ZFHX3: variants seen among roughly 807,000 people sequenced by gnomAD.
ZFHX3 encodes zinc finger homeobox protein 3.
Under a neutral mutation model 279.1 loss-of-function variants are expected in ZFHX3, and 42 were observed. The ratio of observed to expected loss-of-function variants is 0.15; its 90% CI spans 0.12 to 0.19. The LOEUF (loss-of-function observed/expected upper bound fraction) is 0.19. ZFHX3 is among the 10% of genes least tolerant of loss of function. ZFHX3 has a pLI of 1.00. For missense variants in ZFHX3, 4,981 were observed against 4,754.0 expected (o/e 1.05, Z -1.40); for synonymous variants, 2,293 against 1,957.8 (o/e 1.17, Z -4.52).
chr16:73,224,294 A>G (rs937919637), intron 5 of ZFHX3, among the ~76,000 whole-genome samples: 3 of 152,188 alleles, frequency 2.0e-5, no homozygotes, highest in African/African-American at 7.2e-5. Context: ...AGTAAATGAG[A>G]ACTCTTTGTC....
rs141051086 is a variant in ZFHX3 at position 73,520,202 on chromosome 16, A to G, written c.-1546-63944T>C. Among the ~76,000 whole-genome samples, 535 of 152,310 alleles carry G rather than the reference A, an allele frequency of 3.5e-3. 1 individual carries two copies. The highest frequency in any genetic ancestry group is 6.4e-3 in the South Asian group (31 of 4,818). On this transcript the variant is annotated intron_variant, in intron 2 of 17. Coordinates refer to the ZFHX3 transcript ENST00000641206. ...CAAATCTCACTCTTAAAAAGATGTA[A>G]TGGAATATACTTGGGTGTTTCTACA...
chr16:73,277,878 G>C (rs1597257993), intron 4 of ZFHX3, among the ~76,000 whole-genome samples: 1 of 152,160 alleles, frequency 6.6e-6, no homozygotes, highest in South Asian at 2.1e-4. Flanking sequence ...TGGGAGCAAG[G>C]TGTCTTACAA....
At chr16:73,508,289 G>C (rs1444883411) in intron 2 of ZFHX3, among the ~76,000 whole-genome samples, 1 of 152,156 alleles carries the variant, frequency 6.6e-6, no homozygotes, top group Non-Finnish European at 1.5e-5. Context: ...ATGAAATAAA[G>C]TTAGATCCAG....
chr16:73,730,794 C>T (rs1218474477), intron 1 of ZFHX3, among the ~76,000 whole-genome samples: 1 of 152,112 alleles, frequency 6.6e-6, no homozygotes, highest in Non-Finnish European at 1.5e-5. Flanking sequence ...CATCCATGGC[C>T]ACCATTTTTG....
intron 2 of ZFHX3, among the ~76,000 whole-genome samples, chr16:73,644,908 T>C (rs1012465885): frequency 4.6e-5 from 7 of 152,146 alleles, no homozygotes; most frequent in Admixed American, 2.6e-4. Context: ...TTGTTCTTCA[T>C]AGAAGCCACA....
rs750996016 is a variant in ZFHX3, at chr16:72,788,635, G to T, written c.9641C>A (p.Pro3214Gln). The change falls in exon 10 of 10, where the codon CCA becomes CAA. Residue 3214 changes from proline to glutamine, a missense_variant. Physicochemically the swap from Pro to Gln is moderately conservative, Grantham distance 76. This residue lies in a region of ZFHX3 where 1,034 missense variants were observed against 786.0 expected (regional missense o/e 1.32). Coordinates refer to ENST00000268489, the MANE Select transcript of ZFHX3 (RefSeq NM_006885.4). ...QPQVQQPPPP[P>Q]AAQPPPTPQL... ...TGGTGTGGGTGGCGGCTGGGCTGCT[G>T]GCGGCGGGGGAGGCTGCTGCACCTG... The T allele has an allele frequency of 4.3e-6, 7 of 1,613,420 alleles. No homozygotes were observed. The highest frequency in any genetic ancestry group is 5.9e-6 in the Non-Finnish European group (7 of 1,179,742).
intron 3 of ZFHX3, among the ~76,000 whole-genome samples, chr16:73,428,855 C>T (rs900684401): frequency 6.6e-6 from 1 of 152,152 alleles, no homozygotes; most frequent in Non-Finnish European, 1.5e-5. Context: ...ATTATTGGAA[C>T]TGTCTTCTCT....
At chr16:73,331,448 G>T (rs1476708117) in intron 3 of ZFHX3, among the ~76,000 whole-genome samples, 2 of 152,172 alleles carry the variant, frequency 1.3e-5, no homozygotes, top group Non-Finnish European at 2.9e-5. Flanking sequence ...TGTGACAAGA[G>T]CCATGCTTTG....
intron 1 of ZFHX3, among the ~76,000 whole-genome samples, chr16:73,778,326 G>A (rs986759887): frequency 2.0e-5 from 3 of 148,272 alleles, no homozygotes; most frequent in Non-Finnish European, 3.0e-5. Flanking sequence ...CTTACCATTT[G>A]GGCATTTATT....
chr16:73,677,163 C>T (rs907230033), intron 2 of ZFHX3, among the ~76,000 whole-genome samples: 1 of 151,716 alleles, frequency 6.6e-6, no homozygotes, highest in Non-Finnish European at 1.5e-5. Flanking sequence ...AATATGTCAA[C>T]AAAATTTAAG....
chr16:73,327,765 C>T (rs958788629), intron 3 of ZFHX3, among the ~76,000 whole-genome samples: 2 of 152,244 alleles, frequency 1.3e-5, no homozygotes, highest in African/African-American at 2.4e-5. Context: ...TTGATGACAA[C>T]TGCAATCTCA....
At chr16:73,128,322 T>G (rs1156994379) in intron 7 of ZFHX3, among the ~76,000 whole-genome samples, 3 of 152,222 alleles carry the variant, frequency 2.0e-5, no homozygotes, top group African/African-American at 7.2e-5. Flanking sequence ...GTGCTGAATG[T>G]TCACAGGTGC....
chr16:73,478,219 T>C (rs1358779593), intron 2 of ZFHX3, among the ~76,000 whole-genome samples: 2 of 148,782 alleles, frequency 1.3e-5, no homozygotes, highest in Admixed American at 6.9e-5. Context: ...TGAGCCGAGA[T>C]TGCGCCACTG....
At chr16:73,811,082 A>C (rs1371313923) in intron 1 of ZFHX3, among the ~76,000 whole-genome samples, 2 of 152,234 alleles carry the variant, frequency 1.3e-5, no homozygotes, top group Non-Finnish European at 2.9e-5. Flanking sequence ...ATAGAAAAAA[A>C]AAATTTCATG....
chr16:73,192,642 T>G (rs1968067537), intron 5 of ZFHX3, among the ~76,000 whole-genome samples: 1 of 152,142 alleles, frequency 6.6e-6, no homozygotes, highest in African/African-American at 2.4e-5. Context: ...TAGGTCCAAG[T>G]GAGTGAGGGC....
At chr16:73,326,509 C>A (rs2015691762) in intron 3 of ZFHX3, among the ~76,000 whole-genome samples, 1 of 152,162 alleles carries the variant, frequency 6.6e-6, no homozygotes, top group Non-Finnish European at 1.5e-5. Flanking sequence ...AAGCCAGACA[C>A]AAAGGACCAC....
intron 1 of ZFHX3, among the ~76,000 whole-genome samples, chr16:73,870,445 G>A (rs1962131059): frequency 2.0e-5 from 3 of 152,178 alleles, no homozygotes; most frequent in Admixed American, 2.0e-4. Context: ...ACCAAAACGA[G>A]GGCGGAAGGA....
At chr16:73,771,969 C>A (rs1405342185) in intron 1 of ZFHX3, among the ~76,000 whole-genome samples, 1 of 152,154 alleles carries the variant, frequency 6.6e-6, no homozygotes. Context: ...TCAGTCCACT[C>A]AAGTTTGTTC....
intron 1 of ZFHX3, among the ~76,000 whole-genome samples, chr16:73,830,267 G>A (rs937479084): frequency 1.4e-5 from 2 of 142,838 alleles, no homozygotes; most frequent in African/African-American, 5.3e-5. Context: ...TTCGGCTCGC[G>A]CACGGTGCGC....
Sources: allele counts gnomAD v4.1 joint callset (sites outside exome capture counted in the v4.1 genomes callset), GRCh38; gene constraint gnomAD v4.1.1; regional missense constraint gnomAD v4.1.1; transcripts MANE v1.5; gene names NCBI Gene and HGNC (gene_info 2026-07-23, HGNC 2026-07-21).